The following SETD1B variants were observed in gnomAD, a reference collection of about 807,000 sequenced individuals.
SETD1B encodes the protein histone-lysine N-methyltransferase SETD1B.
A neutral mutation model predicts 148.0 loss-of-function variants in SETD1B; 7 were observed. That is an observed-to-expected ratio of 0.05 (90% confidence interval 0.03 to 0.09). The LOEUF is 0.09. Ranked by LOEUF, SETD1B falls within the 10% of genes least tolerant of loss-of-function variation. SETD1B has a pLI of 1.00. For missense variants in SETD1B, 2,155 were observed against 2,729.9 expected (o/e 0.79, Z 4.69); for synonymous variants, 1,361 against 1,186.5 (o/e 1.15, Z -3.02).
chr12:121,815,749 G>T (rs1259163014), intron 7 of SETD1B, among the ~76,000 whole-genome samples: 6 of 151,658 alleles, frequency 4.0e-5, no homozygotes, highest in Non-Finnish European at 8.8e-5. Flanking sequence ...AGGCTCAAGT[G>T]ATCCTCTGCC....
chr12:121,797,408 G>C, the SETD1B span: 1 of 454,084 alleles, frequency 2.2e-6, no homozygotes, highest in South Asian at 1.6e-5. Flanking sequence ...GCCCTCGAGG[G>C]ACCAGCAGGA....
At chr12:121,811,154 G>A (rs963379753) in intron 6 of SETD1B, among the ~76,000 whole-genome samples, 7 of 152,192 alleles carry the variant, frequency 4.6e-5, no homozygotes, top group African/African-American at 4.8e-5. Flanking sequence ...TTTGGTAGGC[G>A]TTTGCTGAGA....
At chr12:121,816,947 G>A in intron 7 of SETD1B, 86 bp from the exon 8 acceptor site, 1 of 1,263,900 alleles carries the variant, frequency 7.9e-7, no homozygotes, top group Non-Finnish European at 1.1e-6. Context: ...TTACTGCCGA[G>A]TGGAAGGCAG....
chr12:121,794,403 C>A, the SETD1B span: 7 of 152,230 alleles, frequency 4.6e-5, no homozygotes, highest in African/African-American at 7.2e-5. Flanking sequence ...CCACTAGGGG[C>A]GGCCGCCTCC....
the SETD1B span, among the ~76,000 whole-genome samples, chr12:121,792,179 G>C: frequency 6.6e-6 from 1 of 152,320 alleles, no homozygotes; most frequent in East Asian, 1.9e-4. Context: ...CTGGATTTTG[G>C]CTCCATCCTA....
chr12:121,830,101 A>G lies in SETD1B; in HGVS notation c.5763A>G (p.Ser1921=), dbSNP rs1466641394. 1 of 1,551,320 alleles carries G rather than the reference A, an allele frequency of 6.4e-7. No homozygotes were observed. Among genetic ancestry groups the G allele is most frequent in the Admixed American group, 2.0e-5 (1 of 50,978 alleles). The change falls in exon 17 of 17, where the codon TCA becomes TCG. Residue 1921 remains serine, a synonymous_variant. Coordinates refer to ENST00000604567, the MANE Select transcript of SETD1B (RefSeq NM_001353345.2). This position sits in a 1 kb window ranked among gnomAD's most constrained non-coding sequence, Gnocchi z 5.7. The part of the protein sequence containing the change: ...NCYAKVITVE[S]QKKIVIYSKQ... ...ATGCCAAGGTGATCACGGTGGAGTC[A>G]CAGAAGAAGATAGTCATCTACTCGA...
intron 7 of SETD1B, among the ~76,000 whole-genome samples, chr12:121,816,795 A>G (rs1393250834): frequency 6.6e-6 from 1 of 152,226 alleles, no homozygotes; most frequent in African/African-American, 2.4e-5. Flanking sequence ...CACTGTTGTA[A>G]GGAAGGCAGG....
At chr12:121,793,571 C>T in the SETD1B span, 2 of 1,553,110 alleles carry the variant, frequency 1.3e-6, no homozygotes, top group Non-Finnish European at 1.7e-6. Flanking sequence ...CGATCACGAT[C>T]TTCAGCTCCT....
rs535827993 is a variant in SETD1B at position 121,810,619 on chromosome 12, G to A, written c.1674G>A (p.Thr558=). 3.2e-6 allele frequency: 5 copies of A among 1,548,100 alleles called. No homozygotes were observed. Among genetic ancestry groups the A allele is most frequent in the African/African-American group, 1.4e-5 (1 of 73,124 alleles). The part of the protein sequence containing the change: ...TNSQPGFRGP[T]PPSSRPSSTG... ...CCCAGCCAGGCTTCCGGGGCCCCAC[G>A]CCCCCCTCGTCACGCCCCTCCAGCA... The change falls in exon 6 of 17, where the codon ACG becomes ACA. Residue 558 remains threonine, a synonymous_variant. Coordinates refer to ENST00000604567, the MANE Select transcript of SETD1B (RefSeq NM_001353345.2). The surrounding 1 kb of genome is among the most constrained non-coding windows in gnomAD (Gnocchi z 7.6).
Position 121,832,152 on chromosome 12 carries a change from G to T in SETD1B, c.*1913G>T, listed in dbSNP as rs1256239569. 6.6e-6 allele frequency: 1 copy of T among 152,180 alleles called. No homozygotes were observed. The highest frequency in any genetic ancestry group is 6.6e-5 in the Admixed American group (1 of 15,262). 9.4% of individuals were successfully genotyped at this position (152,180 alleles called of 1,614,324 possible). On this transcript the variant is annotated 3_prime_UTR_variant, in exon 17 of 17. Coordinates refer to ENST00000604567, the MANE Select transcript of SETD1B (RefSeq NM_001353345.2). The stretch of plus-strand genomic sequence containing the variant: ...GCCTCCAAAGGGCTGTCTCCATTCT[G>T]TCCCCTTCCCATAAAAGAAGTGGGG...
intron 11 of SETD1B, among the ~76,000 whole-genome samples, chr12:121,821,477 C>T (rs1446501704): frequency 2.0e-5 from 3 of 148,900 alleles, no homozygotes; most frequent in East Asian, 2.0e-4. Flanking sequence ...GTGCCGGGCG[C>T]GGTGGCTCAC....
chr12:121,819,969 T>G (rs1876492261), intron 11 of SETD1B, 74 bp downstream of exon 11: 17 of 1,271,302 alleles, frequency 1.3e-5, no homozygotes, highest in Non-Finnish European at 1.8e-5. Flanking sequence ...CAGCCCGGGC[T>G]TCCTGGGGTA....
At chr12:121,826,825 C>CG (rs1055394616) in intron 13 of SETD1B, among the ~76,000 whole-genome samples, 3 of 149,654 alleles carry the variant, frequency 2.0e-5, no homozygotes, top group Non-Finnish European at 4.4e-5. Context: ...CAGGGATGGG[C>CG]GGGGGGTGAC....
chr12:121,820,893 C>T (rs1876536878), intron 11 of SETD1B, among the ~76,000 whole-genome samples: 1 of 152,192 alleles, frequency 6.6e-6, no homozygotes, highest in Non-Finnish European at 1.5e-5. Flanking sequence ...GTACATTGAA[C>T]ACATGGCTAG....
intron 10 of SETD1B, among the ~76,000 whole-genome samples, chr12:121,818,605 T>A (rs143406437): frequency 6.7e-6 from 1 of 149,238 alleles, no homozygotes; most frequent in East Asian, 2.0e-4. Flanking sequence ...AGTGAGCAGT[T>A]TTTGGCTGGG....
the SETD1B span, chr12:121,797,982 C>T: frequency 4.6e-6 from 1 of 215,166 alleles, no homozygotes; most frequent in African/African-American, 2.4e-5. Context: ...ATTGAAGACC[C>T]AGCCCTGGCC....
At position 121,810,852 on chromosome 12, in the gene SETD1B, C is replaced by G; in HGVS notation, c.1890+17C>G. The G allele has an allele frequency of 6.8e-7, 1 of 1,478,092 alleles. No homozygotes were observed. 91.6% of individuals were successfully genotyped at this position (1,478,092 alleles called of 1,614,324 possible). A position where few individuals can be genotyped will look rare whatever the true frequency, so the allele number is the denominator to read the frequency against. On this transcript the variant is annotated intron_variant, in intron 6 of 16. Coordinates refer to ENST00000604567, the MANE Select transcript of SETD1B (RefSeq NM_001353345.2). This position sits in a 1 kb window ranked among gnomAD's most constrained non-coding sequence, Gnocchi z 7.6. ...ATGGATGAGGTACCACCGTGTCTGT[C>G]CATCTGTCTGGGACTGGTTTTGTCT...
chr12:121,799,052 C>G (rs1203120536), upstream of SETD1B: 3 of 152,238 alleles, frequency 2.0e-5, no homozygotes, highest in Non-Finnish European at 4.4e-5. Flanking sequence ...AATGCCAGTC[C>G]TAAGGACCAA....
In SETD1B at chr12:121,805,073, G is replaced by A. The variant is rs1044647013; in HGVS notation, c.175-45G>A. On this transcript the variant is annotated intron_variant, in intron 2 of 16. Transcript: ENST00000604567. The surrounding 1 kb of genome is among the most constrained non-coding windows in gnomAD (Gnocchi z 4.2). ...CGAGAAAGGGGTCTGCCCATGGGGAGGGGGACCAGTTCTCTCATCCCGGCC... is the reference window on the plus strand; with the variant it reads ...CGAGAAAGGGGTCTGCCCATGGGGAAGGGGACCAGTTCTCTCATCCCGGCC... The A allele has an allele frequency of 3.3e-6, 5 of 1,534,238 alleles. No homozygotes were observed. In the East Asian group the frequency reaches 7.4e-5, roughly 23 times the overall value.
Sources: allele counts gnomAD v4.1 joint callset (sites outside exome capture counted in the v4.1 genomes callset), GRCh38; gene constraint gnomAD v4.1.1; non-coding constraint Gnocchi (gnomAD v3.1); transcripts MANE v1.5; gene names NCBI Gene and HGNC (gene_info 2026-07-23, HGNC 2026-07-21).